The following OR9Q1 variants were observed in gnomAD, a reference collection of about 807,000 sequenced individuals.
The protein encoded by OR9Q1 is olfactory receptor 9Q1.
For missense variants in OR9Q1, 374 were observed against 378.8 expected, an observed-to-expected ratio of 0.99 and a Z score of 0.11; for synonymous variants, 153 against 148.6, an observed-to-expected ratio of 1.03 and a Z score of -0.22.
chr11:58,125,236 A>ACCCCCC (rs201477338), intron 2 of OR9Q1: 1 of 69,656 alleles, frequency 1.4e-5, no homozygotes, highest in Admixed American at 2.0e-4. Context: ...CCCCTTACCC[A>ACCCCCC]CCGCCCCCCC....
chr11:58,123,300 C>A (rs766462044), intron 2 of OR9Q1, among the ~76,000 whole-genome samples: 5 of 152,162 alleles, frequency 3.3e-5, no homozygotes, highest in Non-Finnish European at 7.3e-5. Flanking sequence ...TTAATCAGAG[C>A]TTTTTTACCT....
chr11:58,163,217 T>C (rs1854472310), intron 2 of OR9Q1, among the ~76,000 whole-genome samples: 1 of 152,184 alleles, frequency 6.6e-6, no homozygotes, highest in Non-Finnish European at 1.5e-5. Context: ...TATCCTGGTA[T>C]GGGAATGATT....
chr11:58,118,625 C>T lies in OR9Q1; in HGVS notation c.-14-60806C>T, dbSNP rs140212751. The stretch of plus-strand genomic sequence containing the variant: ...ATGACCACTGTATAGAAGACAGACA[C>T]GACTTTGTCTTCCTCCAGAGATTTG... On this transcript the variant is annotated intron_variant, in intron 2 of 2. Transcript: ENST00000335397. The T allele has an allele frequency of 1.1e-5, 17 of 1,613,876 alleles. No homozygotes were observed. Among genetic ancestry groups the T allele is most frequent in the Admixed American group, 6.7e-5 (4 of 60,000 alleles).
At chr11:58,031,524 TGTC>T (rs1853038711) in intron 1 of OR9Q1, 1 of 1,614,032 alleles carries the variant, frequency 6.2e-7, no homozygotes, top group African/African-American at 1.3e-5. Context: ...TTGCTAGCCT[TGTC>T]GTGCTCAGAT....
At chr11:58,118,945 G>A (rs771082283) in intron 2 of OR9Q1, 2 of 1,614,018 alleles carry the variant, frequency 1.2e-6, no homozygotes, top group Admixed American at 1.7e-5. Context: ...CTTACAGAAG[G>A]AGAGGGTGAA....
At chr11:58,146,866 T>A (rs145242425) in intron 2 of OR9Q1, among the ~76,000 whole-genome samples, 1 of 152,304 alleles carries the variant, frequency 6.6e-6, no homozygotes, top group South Asian at 2.1e-4. Context: ...GGGCTTAGTG[T>A]GAGATGCAAC....
chr11:58,058,038 C>G (rs995756025), intron 2 of OR9Q1, among the ~76,000 whole-genome samples: 2 of 152,152 alleles, frequency 1.3e-5, no homozygotes, highest in African/African-American at 4.8e-5. Flanking sequence ...ATTTGATGCT[C>G]CTTTCATTAG....
Position 58,098,845 on chromosome 11 carries a change from T to G in OR9Q1, c.-15+42898T>G, listed in dbSNP as rs905358996. 3.3e-5 allele frequency among the ~76,000 whole-genome samples: 5 copies of G among 152,314 alleles called. No homozygotes were observed. In the South Asian group the frequency reaches 1.0e-3, roughly 32 times the overall value. On this transcript the variant is annotated intron_variant, in intron 2 of 2. Coordinates refer to ENST00000335397, the MANE Select transcript of OR9Q1 (RefSeq NM_001005212.4). ...GATTTTTCTTTCCTACTACAGTCAT[T>G]TAGAATTCTAAACACTACTTTAGAA...
chr11:58,057,420 T>G (rs1590562498), intron 2 of OR9Q1, among the ~76,000 whole-genome samples: 1 of 152,292 alleles, frequency 6.6e-6, no homozygotes. Context: ...CTTCTCTTGG[T>G]GTTGTTGGTT....
At chr11:58,155,103 C>G (rs907149919) in intron 2 of OR9Q1, among the ~76,000 whole-genome samples, 2 of 152,160 alleles carry the variant, frequency 1.3e-5, no homozygotes, top group African/African-American at 4.8e-5. Flanking sequence ...TGGGGGCTGG[C>G]AGTCTGAAAT....
intron 1 of OR9Q1, chr11:58,030,840 T>A: frequency 1.4e-6 from 1 of 696,788 alleles, no homozygotes; most frequent in Non-Finnish European, 2.6e-6. Context: ...TGACATCATG[T>A]TTCTCTTCTG....
Position 58,180,374 on chromosome 11 carries a change from C to T in OR9Q1, c.930C>T (p.Ser310=). 2.6e-6 allele frequency: 4 copies of T among 1,559,476 alleles called. No homozygotes were observed. Among genetic ancestry groups the T allele is most frequent in the Non-Finnish European group, 3.5e-6 (4 of 1,150,384 alleles). The change falls in exon 3 of 3, where the codon TCC becomes TCT. Residue 310 remains serine (S), a synonymous_variant. Coordinates refer to ENST00000335397, the MANE Select transcript of OR9Q1 (RefSeq NM_001005212.4). ...AAATTCTCAATAGAGCCAAGTTGTC[C>T]TAACCATCTCCAAACTTGGAAAATC... The part of the protein sequence containing the change: ...LRKILNRAKL[S]
At chr11:58,139,283 G>A (rs1218142398) in intron 2 of OR9Q1, among the ~76,000 whole-genome samples, 1 of 147,836 alleles carries the variant, frequency 6.8e-6, no homozygotes, top group Non-Finnish European at 1.5e-5. Flanking sequence ...ATGTGCAGCT[G>A]TTTTTTTTTT....
intron 2 of OR9Q1, chr11:58,144,798 C>G (rs960464508): frequency 6.2e-5 from 9 of 144,876 alleles, no homozygotes; most frequent in African/African-American, 1.5e-4. Context: ...TTTTCACACT[C>G]TGTGCTAGCA....
chr11:58,034,792 C>T (rs117436656), intron 1 of OR9Q1, among the ~76,000 whole-genome samples: 43 of 96,020 alleles, frequency 4.5e-4, no homozygotes, highest in Non-Finnish European at 5.8e-4. Flanking sequence ...CCTCCTTTCT[C>T]CCTTCCTTCC....
At chr11:58,115,552 A>G (rs980797894) in intron 2 of OR9Q1, among the ~76,000 whole-genome samples, 10 of 152,162 alleles carry the variant, frequency 6.6e-5, no homozygotes, top group Admixed American at 1.3e-4. Context: ...TAATGGTGGA[A>G]AATCAGTCAA....
intron 2 of OR9Q1, among the ~76,000 whole-genome samples, chr11:58,141,598 A>G (rs1237918753): frequency 1.3e-5 from 2 of 152,078 alleles, no homozygotes; most frequent in South Asian, 2.1e-4. Flanking sequence ...AAGCTTTTTG[A>G]TGTGCTGCTG....
At chr11:58,142,643 T>G (rs1370468953) in intron 2 of OR9Q1, among the ~76,000 whole-genome samples, 1 of 152,200 alleles carries the variant, frequency 6.6e-6, no homozygotes, top group African/African-American at 2.4e-5. Flanking sequence ...AGTTTTTGTT[T>G]CAAGGATGGA....
intron 2 of OR9Q1, among the ~76,000 whole-genome samples, chr11:58,081,301 A>G: frequency 6.6e-6 from 1 of 151,390 alleles, no homozygotes; most frequent in South Asian, 2.1e-4. Flanking sequence ...TCTTTATAGT[A>G]GCATGATTTA....
Sources: gnomAD v4.1 joint callset for allele counts (sites outside exome capture counted in the v4.1 genomes callset) on GRCh38, gnomAD v4.1.1 for gene constraint, MANE v1.5 for transcripts, NCBI Gene and HGNC (gene_info 2026-07-23, HGNC 2026-07-21) for gene names.